CADPS: variants seen among roughly 807,000 people sequenced by gnomAD.
CADPS encodes the protein calcium-dependent secretion activator 1.
CADPS carries 57 observed loss-of-function variants against 167.3 expected under a neutral mutation model. The observed-to-expected ratio is 0.34, with a 90% CI of 0.28 to 0.42. CADPS has a LOEUF of 0.42. Among genes scored for constraint, CADPS ranks in the 20% least tolerant of loss-of-function variants. The pLI is 1.00. For synonymous variants in CADPS, 676 were observed against 635.3 expected, an observed-to-expected ratio of 1.06 and a Z score of -0.96; for missense variants, 1,414 against 1,738.1, an observed-to-expected ratio of 0.81 and a Z score of 3.32.
At chr3:62,841,390 AT>A in intron 1 of CADPS, among the ~76,000 whole-genome samples, 1 of 152,102 alleles carries the variant, frequency 6.6e-6, no homozygotes, top group Non-Finnish European at 1.5e-5. Flanking sequence ...TCAGGTACTT[AT>A]TTTGGCACTT....
intron 4 of CADPS, among the ~76,000 whole-genome samples, chr3:62,657,200 T>C (rs1277546007): frequency 2.0e-5 from 3 of 152,204 alleles, no homozygotes; most frequent in African/African-American, 7.2e-5. Context: ...ATTTGGATAT[T>C]ATTTCTTACT....
intron 6 of CADPS, among the ~76,000 whole-genome samples, chr3:62,594,126 TTTTA>T (rs1236336360): frequency 1.3e-5 from 2 of 150,278 alleles, no homozygotes; most frequent in Non-Finnish European, 3.0e-5. Flanking sequence ...TTATGATTTT[TTTTA>T]TTTTTTTTAT....
At chr3:62,450,920 A>C (rs1360992342) in intron 26 of CADPS, among the ~76,000 whole-genome samples, 2 of 152,220 alleles carry the variant, frequency 1.3e-5, no homozygotes, top group Non-Finnish European at 2.9e-5. Flanking sequence ...AAGGCACATG[A>C]CTAATAAGTT....
chr3:62,835,878 G>C (rs940721890), intron 1 of CADPS, among the ~76,000 whole-genome samples: 1 of 152,142 alleles, frequency 6.6e-6, no homozygotes, highest in African/African-American at 2.4e-5. Flanking sequence ...AAATATTTTT[G>C]TTACTGGGGG....
intron 3 of CADPS, among the ~76,000 whole-genome samples, chr3:62,731,841 A>AAGGC (rs2077945742): frequency 6.9e-6 from 1 of 144,406 alleles, no homozygotes; most frequent in African/African-American, 2.6e-5. Context: ...GTAAAGAAGG[A>AAGGC]AGAAAGGAAA....
rs1561525597 is a variant in CADPS, at chr3:62,516,188, A to G, written c.2458-6T>C. ...ACAATATCTTTCATCAAAACCTTCAAGTAGGAAAAAGAGGGATTATTAAGA... is the reference window on the plus strand; with the variant it reads ...ACAATATCTTTCATCAAAACCTTCAGGTAGGAAAAAGAGGGATTATTAAGA... On this transcript the variant is annotated splice_polypyrimidine_tract_variant and splice_region_variant and intron_variant, in intron 15 of 29. Transcript: ENST00000383710. 4 of 1,612,858 alleles carry G rather than the reference A, an allele frequency of 2.5e-6. No homozygotes were observed. In the South Asian group the frequency reaches 4.4e-5, roughly 18 times the overall value.
intron 1 of CADPS, among the ~76,000 whole-genome samples, chr3:62,822,183 G>A (rs2094952097): frequency 6.6e-6 from 1 of 152,078 alleles, no homozygotes; most frequent in African/African-American, 2.4e-5. Flanking sequence ...CATTATCAAG[G>A]GAATGCTATC....
intron 18 of CADPS, 116 bp from the exon 19 acceptor site, chr3:62,493,781 C>A: frequency 1.2e-6 from 1 of 848,632 alleles, no homozygotes; most frequent in Non-Finnish European, 1.9e-6. Context: ...CTCACTGATT[C>A]AGATTAATGG....
intron 1 of CADPS, among the ~76,000 whole-genome samples, chr3:62,820,036 C>CT (rs1449684254): frequency 6.6e-6 from 1 of 151,998 alleles, no homozygotes; most frequent in Admixed American, 6.6e-5. Context: ...TGTGCACACA[C>CT]ACACACACAT....
At chr3:62,845,931 G>A (rs922145458) in intron 1 of CADPS, among the ~76,000 whole-genome samples, 2 of 152,092 alleles carry the variant, frequency 1.3e-5, no homozygotes, top group South Asian at 2.1e-4. Context: ...AATCCCTAAT[G>A]TTGAAGGAGG....
At chr3:62,638,176 C>T (rs1034572510) in intron 6 of CADPS, among the ~76,000 whole-genome samples, 5 of 151,504 alleles carry the variant, frequency 3.3e-5, no homozygotes, top group Non-Finnish European at 5.9e-5. Context: ...ACTCACACAG[C>T]GGAAATAGGA....
rs11368866 is a variant in CADPS at position 62,456,763 on chromosome 3, T to TAA, written c.3636+8602_3636+8603dup. On this transcript the variant is annotated intron_variant, in intron 26 of 29. Coordinates refer to ENST00000383710, the MANE Select transcript of CADPS (RefSeq NM_003716.4). ...CCCTTTCTCTTTATCTATCACTGTC[T>TAA]AAAAAAAAAAAAAAAACCCAATATA... is the stretch of plus-strand genomic sequence containing the variant. Among the ~76,000 whole-genome samples the TAA allele has an allele frequency of 3.9e-3, 510 of 129,276 alleles. 4 individuals are homozygous for TAA. The highest frequency in any genetic ancestry group is 0.012 in the African/African-American group (416 of 35,822). The allele number at this position is 129,276 out of a possible 152,430, so 84.8% of individuals were successfully genotyped here.
rs1309146987 is a variant in CADPS, at chr3:62,638,067, G to A, written c.1325+7655C>T. On this transcript the variant is annotated intron_variant, in intron 6 of 29. Coordinates refer to ENST00000383710, the MANE Select transcript of CADPS (RefSeq NM_003716.4). ...TAGGACTACTATCTGCCCAAGCATT[G>A]TTTTAAGCATTATATATATATATAT... Among the ~76,000 whole-genome samples the A allele has an allele frequency of 3.7e-5, 4 of 109,214 alleles. No individual in the cohort carries two copies. The South Asian group carries it at 1.4e-3, about 38-fold the overall frequency. The allele number at this position is 109,214 out of a possible 152,430, so 71.6% of individuals were successfully genotyped here.
chr3:62,637,018 C>CT (rs2066438020), intron 6 of CADPS, among the ~76,000 whole-genome samples: 1 of 152,064 alleles, frequency 6.6e-6, no homozygotes, highest in Non-Finnish European at 1.5e-5. Flanking sequence ...CTGAGCTTCT[C>CT]TTTTTTCCTT....
intron 1 of CADPS, among the ~76,000 whole-genome samples, chr3:62,795,452 C>T (rs987195166): frequency 1.4e-4 from 22 of 152,138 alleles, no homozygotes; most frequent in African/African-American, 5.1e-4. Context: ...ATGTGACACT[C>T]AATAAACATT....
At chr3:62,627,603 T>G (rs907614340) in intron 6 of CADPS, among the ~76,000 whole-genome samples, 2 of 150,606 alleles carry the variant, frequency 1.3e-5, no homozygotes, top group Non-Finnish European at 3.0e-5. Flanking sequence ...CAGACCACTA[T>G]TTGATGCTTT....
At chr3:62,864,667 A>G (rs1258571069) in intron 1 of CADPS, among the ~76,000 whole-genome samples, 1 of 152,168 alleles carries the variant, frequency 6.6e-6, no homozygotes, top group Non-Finnish European at 1.5e-5. Context: ...ATCAGTCATA[A>G]TGGATTATAG....
chr3:62,504,275 C>T (rs1238833561), intron 17 of CADPS, among the ~76,000 whole-genome samples: 1 of 152,116 alleles, frequency 6.6e-6, no homozygotes, highest in African/African-American at 2.4e-5. Context: ...ACTACTAATC[C>T]TTTCATCATA....
chr3:62,827,456 T>C (rs929718635), intron 1 of CADPS, among the ~76,000 whole-genome samples: 4 of 152,166 alleles, frequency 2.6e-5, no homozygotes, highest in African/African-American at 9.7e-5. Flanking sequence ...CATAGATAAC[T>C]GAGGATTTGA....
Sources: gnomAD v4.1 joint callset for allele counts (sites outside exome capture counted in the v4.1 genomes callset) on GRCh38, gnomAD v4.1.1 for gene constraint, MANE v1.5 for transcripts, NCBI Gene and HGNC (gene_info 2026-07-23, HGNC 2026-07-21) for gene names.